PLA2G4A: variants seen among roughly 807,000 people sequenced by gnomAD.
The protein encoded by PLA2G4A is cytosolic phospholipase A2.
In PLA2G4A, 40 loss-of-function variants were observed where a neutral mutation model predicts 81.9. The ratio of observed to expected loss-of-function variants is 0.49; its 90% CI spans 0.38 to 0.64. The LOEUF is 0.64. PLA2G4A is among the 30% of genes least tolerant of loss of function. The probability of loss-of-function intolerance (pLI) is 0.00; values close to 1 mark genes in which losing one functional copy is unlikely to be tolerated. For missense variants in PLA2G4A, 715 were observed against 905.1 expected (o/e 0.79, Z 2.69); for synonymous variants, 302 against 296.9 (o/e 1.02, Z -0.18).
intron 2 of PLA2G4A, among the ~76,000 whole-genome samples, chr1:186,866,921 A>G (rs1404759382): frequency 1.3e-5 from 2 of 152,014 alleles, no homozygotes; most frequent in Non-Finnish European, 2.9e-5. Context: ...GTGGATGTCC[A>G]GTTGTTCCAG....
chr1:186,968,892 A>T (rs891067516), intron 15 of PLA2G4A, among the ~76,000 whole-genome samples: 4 of 32,826 alleles, frequency 1.2e-4, no homozygotes, highest in African/African-American at 3.2e-4. Context: ...AAAATATTAA[A>T]GACGAAGTAA....
chr1:186,946,984 T>C, intron 12 of PLA2G4A, 23 bp downstream of exon 12: 2 of 1,243,650 alleles, frequency 1.6e-6, no homozygotes, highest in Non-Finnish European at 2.4e-6. Flanking sequence ...TATGCTTACA[T>C]TGATACAAAT....
intron 8 of PLA2G4A, among the ~76,000 whole-genome samples, chr1:186,933,819 T>C (rs1655835961): frequency 6.6e-6 from 1 of 152,210 alleles, no homozygotes. Flanking sequence ...CCAACATCAC[T>C]AGTAGAGCTA....
chr1:186,872,839 A>C (rs112542113), intron 3 of PLA2G4A, among the ~76,000 whole-genome samples: 2 of 152,262 alleles, frequency 1.3e-5, no homozygotes, highest in Non-Finnish European at 2.9e-5. Context: ...GGTTCCCCAC[A>C]GTGTACATAA....
At chr1:186,835,175 T>C (rs963658273) in intron 1 of PLA2G4A, among the ~76,000 whole-genome samples, 8 of 152,166 alleles carry the variant, frequency 5.3e-5, no homozygotes, top group African/African-American at 1.9e-4. Context: ...CCCCATACTT[T>C]TATGCCCACA....
chr1:186,923,101 A>G (rs2102182961), intron 7 of PLA2G4A, among the ~76,000 whole-genome samples: 1 of 152,328 alleles, frequency 6.6e-6, no homozygotes, highest in South Asian at 2.1e-4. Context: ...GAAATTGGGC[A>G]TAAGACAATA....
intron 1 of PLA2G4A, 37 bp from the exon 2 acceptor site, chr1:186,854,249 A>C: frequency 2.7e-6 from 2 of 753,992 alleles, no homozygotes; most frequent in South Asian, 3.0e-5. Flanking sequence ...ACTGCATCCA[A>C]GAGGAAGCTT....
intron 3 of PLA2G4A, among the ~76,000 whole-genome samples, chr1:186,878,945 AGAGAAT>A (rs1413251620): frequency 6.6e-6 from 1 of 151,922 alleles, no homozygotes; most frequent in Non-Finnish European, 1.5e-5. Flanking sequence ...TTTATGTCTA[AGAGAAT>A]ACCTCTGCTG....
chr1:186,888,111 C>T (rs1328367427), intron 3 of PLA2G4A, among the ~76,000 whole-genome samples: 2 of 152,144 alleles, frequency 1.3e-5, no homozygotes, highest in Admixed American at 6.6e-5. Context: ...TCTGGACATA[C>T]ATTTTAGAAA....
chr1:186,842,872 A>T (rs1652039418), intron 1 of PLA2G4A, among the ~76,000 whole-genome samples: 1 of 152,196 alleles, frequency 6.6e-6, no homozygotes, highest in Admixed American at 6.5e-5. Flanking sequence ...ACAAAGTGCC[A>T]CTTTCATCAT....
chr1:186,923,975 TC>T (rs1655455346), intron 7 of PLA2G4A, among the ~76,000 whole-genome samples: 1 of 152,192 alleles, frequency 6.6e-6, no homozygotes. Flanking sequence ...ATTGACATAC[TC>T]CATAACTGAT....
chr1:186,971,108 A>G (rs1391454347), intron 15 of PLA2G4A, among the ~76,000 whole-genome samples: 1 of 151,760 alleles, frequency 6.6e-6, no homozygotes, highest in Non-Finnish European at 1.5e-5. Context: ...TTTTGAATAC[A>G]TTGCCTTTGT....
At chr1:186,926,089 C>T (rs960655892) in intron 7 of PLA2G4A, among the ~76,000 whole-genome samples, 1 of 152,152 alleles carries the variant, frequency 6.6e-6, no homozygotes, top group Non-Finnish European at 1.5e-5. Context: ...GATATCTTGG[C>T]TTAGACTCTT....
At chr1:186,920,909 A>G (rs567502854) in intron 7 of PLA2G4A, among the ~76,000 whole-genome samples, 6 of 152,224 alleles carry the variant, frequency 3.9e-5, no homozygotes, top group South Asian at 4.1e-4. Flanking sequence ...TGTTTCTGCA[A>G]TTTTCTCCTG....
At chr1:186,867,116 T>A (rs1306930255) in intron 2 of PLA2G4A, among the ~76,000 whole-genome samples, 1 of 151,858 alleles carries the variant, frequency 6.6e-6, no homozygotes, top group Non-Finnish European at 1.5e-5. Context: ...AGCTTTATAG[T>A]AAGTCTTGAA....
chr1:186,937,241 A>T, intron 8 of PLA2G4A, among the ~76,000 whole-genome samples: 1 of 114,092 alleles, frequency 8.8e-6, no homozygotes, highest in Non-Finnish European at 1.9e-5. Flanking sequence ...CAACTGCTTC[A>T]TGAGACGGGA....
intron 8 of PLA2G4A, 152 bp downstream of exon 8, chr1:186,933,051 G>T (rs1012500149): frequency 1.3e-5 from 9 of 668,936 alleles, no homozygotes; most frequent in Admixed American, 1.3e-4. Context: ...TGCTTTAAAA[G>T]ATTTTTTAAA....
intron 3 of PLA2G4A, among the ~76,000 whole-genome samples, chr1:186,885,162 C>T (rs1367622120): frequency 1.3e-5 from 2 of 152,156 alleles, no homozygotes; most frequent in Non-Finnish European, 2.9e-5. Flanking sequence ...TGACAGCCAG[C>T]ACCTTCATCA....
intron 10 of PLA2G4A, among the ~76,000 whole-genome samples, chr1:186,944,504 G>T (rs1040299752): frequency 3.9e-5 from 6 of 152,162 alleles, no homozygotes; most frequent in African/African-American, 1.4e-4. Flanking sequence ...TTTCCTAACA[G>T]CCTCTGATTC....
Sources: gnomAD v4.1 joint callset for allele counts (sites outside exome capture counted in the v4.1 genomes callset) on GRCh38, gnomAD v4.1.1 for gene constraint, MANE v1.5 for transcripts, NCBI Gene and HGNC (gene_info 2026-07-23, HGNC 2026-07-21) for gene names.